Variants in CFAP58 observed in about 807,000 individuals in gnomAD.
CFAP58 encodes cilia and flagella associated protein 58, also known as cilia- and flagella-associated protein 58.
A neutral mutation model predicts 119.5 loss-of-function variants in CFAP58; 88 were observed. That is an observed-to-expected ratio of 0.74 (90% confidence interval 0.62 to 0.88). CFAP58 has a LOEUF of 0.88. Ranked by LOEUF, CFAP58 falls within the 40% of genes least tolerant of loss-of-function variation. The probability of loss-of-function intolerance (pLI) is 0.00; values close to 1 mark genes in which losing one functional copy is unlikely to be tolerated. For synonymous variants in CFAP58, 365 were observed against 366.3 expected (o/e 1.00, Z 0.04); for missense variants, 990 against 1,021.2 (o/e 0.97, Z 0.42).
In CFAP58 at chr10:104,392,301, T is replaced by C; in HGVS notation, c.1434T>C (p.Ala478=). Reference sequence around the variant, plus strand: ...TTTTTGACTACAGGAAAAAAATAGCTGAATCAGAGATTAAATTAAAACAGC... The same window carrying C: ...TTTTTGACTACAGGAAAAAAATAGCCGAATCAGAGATTAAATTAAAACAGC... ...TQIFDYRKKI[A]ESEIKLKQQQ... Residue 478 remains alanine, a synonymous_variant, in exon 10 of 18, where the codon GCT becomes GCC. Transcript: ENST00000369704. The C allele has an allele frequency of 4.3e-6, 7 of 1,613,134 alleles. No homozygotes were observed. Among genetic ancestry groups the C allele is most frequent in the Non-Finnish European group, 5.9e-6 (7 of 1,179,576 alleles).
At chr10:104,352,274 T>C (rs1335164757), upstream of CFAP58, among the ~76,000 whole-genome samples, 1 of 152,090 alleles carries the variant, frequency 6.6e-6, no homozygotes, top group East Asian at 1.9e-4. Flanking sequence ...CACACTGGAG[T>C]GCAGCGTAGG....
At chr10:104,384,303 G>A (rs1368504991) in intron 9 of CFAP58, among the ~76,000 whole-genome samples, 1 of 152,180 alleles carries the variant, frequency 6.6e-6, no homozygotes, top group African/African-American at 2.4e-5. Context: ...GGTGGACTGG[G>A]ACTTGGCATG....
chr10:104,340,525 G>A, the CFAP58 span, among the ~76,000 whole-genome samples: 11 of 152,130 alleles, frequency 7.2e-5, no homozygotes, highest in Non-Finnish European at 4.4e-5. Context: ...CCCTCCTGTC[G>A]TTTCTACAGA....
Position 104,365,855 on chromosome 10 carries a change from G to A in CFAP58, c.639G>A (p.Arg213=). 6.2e-7 allele frequency: 1 copy of A among 1,612,982 alleles called. No homozygotes were observed. The highest frequency in any genetic ancestry group is 8.5e-7 in the Non-Finnish European group (1 of 1,179,600). ...AGCAACGTCAGAACGAAGCTTCCCGGGAGTTCCGGAAGAAGGAAAAACTAG... is the reference window on the plus strand; with the variant it reads ...AGCAACGTCAGAACGAAGCTTCCCGAGAGTTCCGGAAGAAGGAAAAACTAG... ...EIQQRQNEAS[R]EFRKKEKLEK... The change falls in exon 5 of 18, where the codon CGG becomes CGA. Residue 213 remains arginine, a synonymous_variant. Transcript: ENST00000369704.
chr10:104,449,923 T>C lies in CFAP58; in HGVS notation c.2377-148T>C. The C allele has an allele frequency of 5.4e-6, 4 of 744,766 alleles. 1 individual carries two copies. In the South Asian group the frequency reaches 8.0e-5, roughly 15 times the overall value. 46.1% of individuals were successfully genotyped at this position (744,766 alleles called of 1,614,324 possible). On this transcript the variant is annotated intron_variant, in intron 16 of 17. Coordinates refer to ENST00000369704, the MANE Select transcript of CFAP58 (RefSeq NM_001008723.2). Reference sequence around the variant, plus strand: ...CAGGTTTCTACTCAGATGTGGACCCTGAGCTGGTGGAAGCATGCAGATTAA... The same window carrying C: ...CAGGTTTCTACTCAGATGTGGACCCCGAGCTGGTGGAAGCATGCAGATTAA...
At position 104,358,651 on chromosome 10, in the gene CFAP58, C is replaced by A. The variant is rs781444537; in HGVS notation, c.291+29C>A. On this transcript the variant is annotated intron_variant, in intron 2 of 17. Transcript: ENST00000369704. ...AGTGATCTTCTAGAAATGGAATGAACCTGAATTTAAAACATCATTCTCTCA... is the reference window on the plus strand; with the variant it reads ...AGTGATCTTCTAGAAATGGAATGAAACTGAATTTAAAACATCATTCTCTCA... 436 of 1,587,568 alleles carry A rather than the reference C, an allele frequency of 2.7e-4. 1 individual carries two copies. The highest frequency in any genetic ancestry group is 2.9e-4 in the Non-Finnish European group (333 of 1,163,814).
intron 1 of CFAP58, among the ~76,000 whole-genome samples, chr10:104,354,916 C>G (rs558336149): frequency 1.3e-5 from 2 of 152,094 alleles, no homozygotes; most frequent in African/African-American, 4.8e-5. Flanking sequence ...CCACCCCATT[C>G]TAGTTACTCT....
chr10:104,382,123 C>T (rs1372474805), intron 9 of CFAP58: 1 of 717,366 alleles, frequency 1.4e-6, no homozygotes, highest in Non-Finnish European at 2.6e-6. Context: ...CTCTTCTTTC[C>T]AGGCTGACTC....
chr10:104,367,561 G>A (rs867288315), intron 5 of CFAP58, among the ~76,000 whole-genome samples: 40 of 151,934 alleles, frequency 2.6e-4, no homozygotes, highest in Admixed American at 8.5e-4. Context: ...GAGGCTTTTG[G>A]ACATCAGGAT....
intron 15 of CFAP58, among the ~76,000 whole-genome samples, chr10:104,436,055 C>T (rs1025066561): frequency 6.6e-6 from 1 of 152,158 alleles, no homozygotes; most frequent in Non-Finnish European, 1.5e-5. Context: ...TATGCTCTTG[C>T]ATCTGCTTCC....
chr10:104,382,188 A>G (rs1564886370), intron 9 of CFAP58: 1 of 717,356 alleles, frequency 1.4e-6, no homozygotes, highest in Non-Finnish European at 2.6e-6. Flanking sequence ...GTGGACCCTC[A>G]GGGAGCTTCT....
chr10:104,424,629 T>G (rs779582725), intron 15 of CFAP58, among the ~76,000 whole-genome samples: 8 of 152,108 alleles, frequency 5.3e-5, no homozygotes, highest in African/African-American at 9.7e-5. Context: ...CCGTGAGCAG[T>G]GTGTGAAAAT....
chr10:104,390,291 A>G (rs573083035), intron 9 of CFAP58, among the ~76,000 whole-genome samples: 2 of 152,316 alleles, frequency 1.3e-5, no homozygotes, highest in East Asian at 3.9e-4. Context: ...ATATTATGCA[A>G]CCTTTAAAGA....
At chr10:104,434,685 T>C (rs2133083121) in intron 15 of CFAP58, among the ~76,000 whole-genome samples, 1 of 152,338 alleles carries the variant, frequency 6.6e-6, no homozygotes, top group East Asian at 1.9e-4. Flanking sequence ...ATTTGGGAAG[T>C]GATAGACCAT....
intron 9 of CFAP58, chr10:104,382,276 C>T (rs2011827161): frequency 1.7e-5 from 12 of 701,504 alleles, no homozygotes; most frequent in East Asian, 5.4e-5. Context: ...AGGGCTGTGC[C>T]GGACATCCTG....
chr10:104,370,103 G>T (rs1469193208), intron 6 of CFAP58, among the ~76,000 whole-genome samples: 1 of 152,128 alleles, frequency 6.6e-6, no homozygotes, highest in Non-Finnish European at 1.5e-5. Context: ...GACCTACAAT[G>T]GCCCAGTGAG....
Position 104,358,609 on chromosome 10 carries a change from C to A in CFAP58, c.278C>A (p.Ala93Glu), listed in dbSNP as rs1311400768. ...TCTCAGGATGATCAGACCACCATTG[C>A]ATCCCTAAAGAAGGTCAGTGATCTT... is the stretch of plus-strand genomic sequence containing the variant. ...KLSQDDQTTI[A>E]SLKKEIEKAW... Residue 93 changes from alanine (A) to glutamate (E), a missense_variant, in exon 2 of 18, where the codon GCA (alanine) becomes GAA (glutamate). Coordinates refer to ENST00000369704, the MANE Select transcript of CFAP58 (RefSeq NM_001008723.2). The A allele has an allele frequency of 6.2e-7, 1 of 1,611,600 alleles. No individual in the cohort carries two copies. Among genetic ancestry groups the A allele is most frequent in the Non-Finnish European group, 8.5e-7 (1 of 1,178,388 alleles).
At chr10:104,350,696 G>T (rs2014449721), upstream of CFAP58, among the ~76,000 whole-genome samples, 2 of 152,172 alleles carry the variant, frequency 1.3e-5, no homozygotes, top group Non-Finnish European at 2.9e-5. Context: ...TATACTAAAT[G>T]ATACCATCTT....
In CFAP58 at chr10:104,357,818, CAT is replaced by C. The variant is rs1491533005; in HGVS notation, c.10-517_10-516del. ...ATATATATACACACATATATATGTA[CAT>C]ATATACACATATATGTACACATATG... On this transcript the variant is annotated intron_variant, in intron 1 of 17. Transcript: ENST00000369704. Among the ~76,000 whole-genome samples the C allele has an allele frequency of 7.3e-4, 106 of 145,702 alleles. 3 individuals are homozygous for C. Among genetic ancestry groups the C allele is most frequent in the Middle Eastern group, 3.7e-3 (1 of 272 alleles).
Sources: gnomAD v4.1 joint callset for allele counts (sites outside exome capture counted in the v4.1 genomes callset) on GRCh38, gnomAD v4.1.1 for gene constraint, MANE v1.5 for transcripts, NCBI Gene and HGNC (gene_info 2026-07-23, HGNC 2026-07-21) for gene names.